The following KDM6A variants were observed in gnomAD, a reference collection of about 807,000 sequenced individuals.
KDM6A encodes the protein lysine-specific demethylase 6A.
In KDM6A, 11 loss-of-function variants were observed where a neutral mutation model predicts 117.6. The observed-to-expected ratio is 0.09, with a 90% CI of 0.06 to 0.15. KDM6A has a LOEUF of 0.15. Ranked by LOEUF, KDM6A falls within the 10% of genes least tolerant of loss-of-function variation. The probability of loss-of-function intolerance (pLI) is 1.00; values close to 1 mark genes in which losing one functional copy is unlikely to be tolerated. For missense variants in KDM6A, 799 were observed against 1,077.3 expected (o/e 0.74, Z 3.62); for synonymous variants, 384 against 396.1 (o/e 0.97, Z 0.36).
intron 27 of KDM6A, chrX:45,107,187 T>C (rs891382293): frequency 2.7e-6 from 1 of 370,551 alleles, no homozygotes. Context: ...TATCCAGATA[T>C]TACTTTTCTC....
chrX:44,951,047 C>T (rs142735625), intron 2 of KDM6A, among the ~76,000 whole-genome samples: 4,114 of 110,113 alleles, frequency 0.037, 202 homozygotes, highest in African/African-American at 0.13. Context: ...TTCAGCCAAC[C>T]GGGATTAGTT....
At chrX:44,950,606 G>T (rs774094126) in intron 2 of KDM6A, among the ~76,000 whole-genome samples, 2 of 104,001 alleles carry the variant, frequency 1.9e-5, no homozygotes, top group East Asian at 2.9e-4. Flanking sequence ...GTGTGTGTCT[G>T]TGTGTGTGAA....
intron 2 of KDM6A, among the ~76,000 whole-genome samples, chrX:44,893,513 T>G (rs1286019303): frequency 1.9e-5 from 2 of 104,880 alleles, no homozygotes; most frequent in Non-Finnish European, 3.9e-5. Context: ...TGGGAGGTTT[T>G]TTTTTTTTTT....
At chrX:45,008,330 C>T (rs2041599729) in intron 4 of KDM6A, among the ~76,000 whole-genome samples, 1 of 110,934 alleles carries the variant, frequency 9.0e-6, no homozygotes. Context: ...GCCGAGATCG[C>T]ACCACTGCAC....
rs900977718 is a variant in KDM6A, at chrX:44,984,411, T to C, written c.384+9696T>C. Among the ~76,000 whole-genome samples the C allele has an allele frequency of 5.4e-5, 6 of 111,419 alleles. No individual in the cohort carries two copies. In the Admixed American group the frequency reaches 5.7e-4, roughly 11 times the overall value. ...CTTTTGCTGTGCAGAAGCTCTTTAG[T>C]TTAATTAGATCCCATTTGTCAATTT... On this transcript the variant is annotated intron_variant, in intron 4 of 29. Coordinates refer to ENST00000611820, the MANE Select transcript of KDM6A (RefSeq NM_001291415.2).
At chrX:45,038,827 T>G (rs891284264) in intron 8 of KDM6A, among the ~76,000 whole-genome samples, 6 of 111,455 alleles carry the variant, frequency 5.4e-5, no homozygotes, top group African/African-American at 2.0e-4. Flanking sequence ...AGGAATAAAT[T>G]TGTATGAGAC....
intron 5 of KDM6A, 90 bp downstream of exon 5, chrX:45,011,109 G>A (rs1300794957): frequency 1.6e-6 from 1 of 639,962 alleles, no homozygotes; most frequent in Non-Finnish European, 2.5e-6. Flanking sequence ...GTGTGTGTGT[G>A]TAATAAATAG....
intron 2 of KDM6A, among the ~76,000 whole-genome samples, chrX:44,909,158 A>C (rs1021228363): frequency 1.8e-5 from 2 of 111,673 alleles, no homozygotes; most frequent in Non-Finnish European, 3.8e-5. Flanking sequence ...TCATAGATTA[A>C]TTTTGTTTAT....
chrX:45,047,412 G>A (rs753532324), intron 8 of KDM6A, among the ~76,000 whole-genome samples: 1 of 103,165 alleles, frequency 9.7e-6, no homozygotes, highest in Admixed American at 1.0e-4. Flanking sequence ...GTGTTTGTAT[G>A]TGTGTGTTTC....
intron 8 of KDM6A, among the ~76,000 whole-genome samples, chrX:45,041,605 T>G (rs1239777848): frequency 9.0e-6 from 1 of 110,918 alleles, no homozygotes; most frequent in Non-Finnish European, 1.9e-5. Flanking sequence ...GCTCCTCACC[T>G]CCCAGACAGG....
chrX:44,947,262 T>C (rs1350672615), intron 2 of KDM6A, among the ~76,000 whole-genome samples: 1 of 111,459 alleles, frequency 9.0e-6, no homozygotes, highest in Non-Finnish European at 1.9e-5. Context: ...GTGATAGTAC[T>C]GTGTTTGATT....
intron 18 of KDM6A, among the ~76,000 whole-genome samples, chrX:45,071,053 T>G (rs761954076): frequency 8.9e-6 from 1 of 112,298 alleles, no homozygotes; most frequent in Non-Finnish European, 1.9e-5. Context: ...ATATAGATTC[T>G]TACTGGCCTT....
intron 8 of KDM6A, among the ~76,000 whole-genome samples, chrX:45,041,967 G>A (rs2043250124): frequency 9.1e-6 from 1 of 110,232 alleles, no homozygotes; most frequent in African/African-American, 3.3e-5. Context: ...GCACCATTGA[G>A]CACTGAGTGA....
intron 2 of KDM6A, among the ~76,000 whole-genome samples, chrX:44,947,521 G>A (rs1460715011): frequency 2.7e-5 from 3 of 109,110 alleles, no homozygotes; most frequent in South Asian, 4.0e-4. Context: ...GACTACAGGC[G>A]CCCGCCACCA....
chrX:44,923,638 G>A (rs754434784), intron 2 of KDM6A, among the ~76,000 whole-genome samples: 171 of 97,357 alleles, frequency 1.8e-3, no homozygotes, highest in Non-Finnish European at 2.6e-3. Context: ...TACACTTCCC[G>A]GGTTTGAGCG....
rs568971396 is a variant in KDM6A, at chrX:44,942,634, C to T, written c.226-18650C>T. 5.5e-5 allele frequency among the ~76,000 whole-genome samples: 6 copies of T among 108,727 alleles called. 1 individual carries two copies. The South Asian group carries it at 2.4e-3, about 43-fold the overall frequency. The allele number at this position is 108,727 out of a possible 115,157, so 94.4% of individuals were successfully genotyped here. A position where few individuals can be genotyped will look rare whatever the true frequency, so the allele number is the denominator to read the frequency against. ...TGCTGATACATACAAAAAAGGCTCA[C>T]TGAGATTTTGATTATGATGGCCTTT... On this transcript the variant is annotated intron_variant, in intron 2 of 29. Coordinates refer to ENST00000611820, the MANE Select transcript of KDM6A (RefSeq NM_001291415.2).
chrX:45,004,960 A>AG, intron 4 of KDM6A, among the ~76,000 whole-genome samples: 1 of 111,050 alleles, frequency 9.0e-6, no homozygotes, highest in South Asian at 3.8e-4. Flanking sequence ...GTTATCTAGT[A>AG]GTGGTTTAAG....
intron 2 of KDM6A, among the ~76,000 whole-genome samples, chrX:44,915,552 G>T (rs1450081210): frequency 7.1e-5 from 8 of 112,299 alleles, no homozygotes; most frequent in Non-Finnish European, 1.1e-4. Context: ...TTCACTTTGT[G>T]TGGTTTCAGT....
intron 2 of KDM6A, among the ~76,000 whole-genome samples, chrX:44,920,862 T>C (rs1263430095): frequency 9.2e-6 from 1 of 108,746 alleles, no homozygotes; most frequent in African/African-American, 3.3e-5. Context: ...TTTTTCTTTT[T>C]TTTCTTTTCT....
Sources: gnomAD v4.1 joint callset for allele counts (sites outside exome capture counted in the v4.1 genomes callset) on GRCh38, gnomAD v4.1.1 for gene constraint, MANE v1.5 for transcripts, NCBI Gene and HGNC (gene_info 2026-07-23, HGNC 2026-07-21) for gene names.